Variants in MCU observed in about 807,000 individuals in gnomAD.
MCU encodes calcium uniporter protein, mitochondrial.
A neutral mutation model predicts 45.2 loss-of-function variants in MCU; 12 were observed. That is an observed-to-expected ratio of 0.27 (90% confidence interval 0.17 to 0.43). MCU has a LOEUF of 0.43. MCU is among the 20% of genes least tolerant of loss of function. MCU has a pLI of 1.00. For missense variants in MCU, 324 were observed against 436.7 expected (o/e 0.74, Z 2.30); for synonymous variants, 160 against 165.1 (o/e 0.97, Z 0.24).
rs1429288727 is a variant in MCU, at chr10:72,869,622, AACAAT to A, written c.657+764_657+768del. Reference sequence around the variant, plus strand: ...AACAAAAAAACAACAACAACAAAATAACAATACAACAACAAAAAAATACAAATTTT... The same window carrying A: ...AACAAAAAAACAACAACAACAAAATAACAACAACAAAAAAATACAAATTTT... On this transcript the variant is annotated intron_variant, in intron 5 of 7. Coordinates refer to ENST00000373053, the MANE Select transcript of MCU (RefSeq NM_138357.3). 9.2e-5 allele frequency among the ~76,000 whole-genome samples: 14 copies of A among 152,238 alleles called. 1 individual carries two copies. In the South Asian group the frequency reaches 2.1e-3, roughly 23 times the overall value.
chr10:72,862,195 A>C (rs978367816), intron 4 of MCU, among the ~76,000 whole-genome samples: 5 of 151,766 alleles, frequency 3.3e-5, no homozygotes, highest in Non-Finnish European at 5.9e-5. Context: ...GTTAGCCAGG[A>C]TGGTCTCGAT....
intron 1 of MCU, among the ~76,000 whole-genome samples, chr10:72,823,274 C>T (rs1401315209): frequency 2.0e-5 from 3 of 152,192 alleles, no homozygotes; most frequent in Admixed American, 6.5e-5. Flanking sequence ...AAAAAGACCA[C>T]AAATTGGGCC....
intron 1 of MCU, among the ~76,000 whole-genome samples, chr10:72,696,317 A>G (rs1198230054): frequency 2.0e-5 from 3 of 151,382 alleles, no homozygotes; most frequent in Non-Finnish European, 2.9e-5. Context: ...ATTCCTTTAA[A>G]TGGAGATGGA....
At chr10:72,840,564 T>C (rs1255269330) in intron 2 of MCU, among the ~76,000 whole-genome samples, 3 of 152,148 alleles carry the variant, frequency 2.0e-5, no homozygotes, top group African/African-American at 7.2e-5. Flanking sequence ...GACACATACA[T>C]ACCCAACCAC....
At chr10:72,849,289 A>G (rs1472929224) in intron 2 of MCU, among the ~76,000 whole-genome samples, 1 of 151,816 alleles carries the variant, frequency 6.6e-6, no homozygotes, top group Non-Finnish European at 1.5e-5. Context: ...AAAAAAAAAA[A>G]AAAAAATCGA....
At chr10:72,810,572 ATTCTCCT>A (rs1317817298) in intron 1 of MCU, among the ~76,000 whole-genome samples, 1 of 142,032 alleles carries the variant, frequency 7.0e-6, no homozygotes, top group Non-Finnish European at 1.5e-5. Context: ...GGTTGAAGTG[ATTCTCCT>A]GCCTCAGCCT....
At chr10:72,745,635 G>A (rs1350046399) in intron 1 of MCU, among the ~76,000 whole-genome samples, 2 of 152,060 alleles carry the variant, frequency 1.3e-5, no homozygotes, top group East Asian at 3.8e-4. Context: ...TTCACTGAGA[G>A]CCTTTTTTCT....
At chr10:72,873,356 G>A (rs1466980156) in intron 6 of MCU, among the ~76,000 whole-genome samples, 1 of 152,018 alleles carries the variant, frequency 6.6e-6, no homozygotes, top group Non-Finnish European at 1.5e-5. Flanking sequence ...GATGATTAGT[G>A]ACTCTGAGCA....
At chr10:72,785,254 G>C (rs1410178185) in intron 1 of MCU, among the ~76,000 whole-genome samples, 9 of 152,168 alleles carry the variant, frequency 5.9e-5, no homozygotes, top group Admixed American at 3.9e-4. Context: ...GTTAGTGGTG[G>C]TGTTTACCAA....
chr10:72,699,287 A>G (rs1438584887), intron 1 of MCU, among the ~76,000 whole-genome samples: 6 of 152,208 alleles, frequency 3.9e-5, no homozygotes, highest in Admixed American at 3.3e-4. Flanking sequence ...CGGGCGGATC[A>G]TGAGGTCAGG....
At chr10:72,733,169 T>G (rs1843201161) in intron 1 of MCU, among the ~76,000 whole-genome samples, 1 of 152,186 alleles carries the variant, frequency 6.6e-6, no homozygotes, top group Admixed American at 6.5e-5. Flanking sequence ...GGATTAAATC[T>G]ATCTTGAGGC....
chr10:72,705,366 A>G (rs1404917262), intron 1 of MCU, among the ~76,000 whole-genome samples: 1 of 152,172 alleles, frequency 6.6e-6, no homozygotes, highest in Non-Finnish European at 1.5e-5. Flanking sequence ...TTTGTGTAGC[A>G]TTATGAAAAT....
chr10:72,710,428 C>T (rs954139587), intron 1 of MCU, among the ~76,000 whole-genome samples: 1 of 150,984 alleles, frequency 6.6e-6, no homozygotes, highest in Non-Finnish European at 1.5e-5. Context: ...CCGAAGGTCA[C>T]ATCACAGCCA....
chr10:72,871,330 A>C lies in MCU; in HGVS notation c.658-47A>C, dbSNP rs755721964. On this transcript the variant is annotated intron_variant, in intron 5 of 7. Coordinates refer to ENST00000373053, the MANE Select transcript of MCU (RefSeq NM_138357.3). ...AACATAGAACAGTTTAAGCCTTTTT[A>C]GATTGGTTTTATGTCAAAATGCCTT... 2.1e-5 allele frequency: 33 copies of C among 1,567,796 alleles called. 1 individual carries two copies. The South Asian group carries it at 3.6e-4, about 17-fold the overall frequency.
chr10:72,798,194 A>G (rs953902750), intron 1 of MCU, among the ~76,000 whole-genome samples: 4 of 152,242 alleles, frequency 2.6e-5, no homozygotes, highest in African/African-American at 9.6e-5. Flanking sequence ...CATAACACGT[A>G]AAGGCAGAAA....
At chr10:72,868,403 G>T (rs1459372105) in intron 4 of MCU, among the ~76,000 whole-genome samples, 1 of 152,024 alleles carries the variant, frequency 6.6e-6, no homozygotes, top group African/African-American at 2.4e-5. Context: ...ACAAAAATTA[G>T]CCAGGCTTGT....
intron 1 of MCU, among the ~76,000 whole-genome samples, chr10:72,722,297 C>A (rs1277388971): frequency 1.2e-5 from 1 of 81,646 alleles, no homozygotes; most frequent in African/African-American, 5.0e-5. Context: ...GCCTGGGCAA[C>A]AAGAGTGAAA....
At chr10:72,700,105 G>T (rs942831490) in intron 1 of MCU, among the ~76,000 whole-genome samples, 2 of 145,690 alleles carry the variant, frequency 1.4e-5, no homozygotes, top group African/African-American at 5.1e-5. Context: ...TGTTGCCCAG[G>T]CTGGAGTGCA....
intron 6 of MCU, among the ~76,000 whole-genome samples, chr10:72,871,934 A>G (rs922268919): frequency 6.6e-6 from 1 of 152,254 alleles, no homozygotes; most frequent in African/African-American, 2.4e-5. Context: ...CTTTTTAAGT[A>G]CTGTGGGAAA....
Sources: allele counts gnomAD v4.1 joint callset (sites outside exome capture counted in the v4.1 genomes callset), GRCh38; gene constraint gnomAD v4.1.1; transcripts MANE v1.5; gene names NCBI Gene and HGNC (gene_info 2026-07-23, HGNC 2026-07-21).